The following SERGEF variants were observed in gnomAD, a reference collection of about 807,000 sequenced individuals.
SERGEF encodes the protein secretion-regulating guanine nucleotide exchange factor.
A neutral mutation model predicts 50.0 loss-of-function variants in SERGEF; 51 were observed. That is an observed-to-expected ratio of 1.02 (90% CI 0.81 to 1.29). The LOEUF (loss-of-function observed/expected upper bound fraction) is 1.29, where lower values mean the gene tolerates loss of function less well. Among genes scored for constraint, SERGEF ranks in the 50% most tolerant of loss-of-function variants. SERGEF has a pLI of 0.00. For synonymous variants in SERGEF, 205 were observed against 212.4 expected, an observed-to-expected ratio of 0.97 and a Z score of 0.30; for missense variants, 521 against 557.0, an observed-to-expected ratio of 0.94 and a Z score of 0.65.
chr11:17,902,923 A>G (rs1204528569), intron 9 of SERGEF, among the ~76,000 whole-genome samples: 1 of 152,208 alleles, frequency 6.6e-6, no homozygotes, highest in Non-Finnish European at 1.5e-5. Flanking sequence ...CTAACAAGGC[A>G]TGTTATTACA....
At chr11:17,825,494 T>C (rs1425701044) in intron 10 of SERGEF, among the ~76,000 whole-genome samples, 1 of 152,214 alleles carries the variant, frequency 6.6e-6, no homozygotes, top group Non-Finnish European at 1.5e-5. Flanking sequence ...GTAAGCATTT[T>C]CTTTTCTGAA....
At chr11:17,938,118 C>T (rs570926498) in intron 9 of SERGEF, among the ~76,000 whole-genome samples, 3 of 152,286 alleles carry the variant, frequency 2.0e-5, no homozygotes, top group African/African-American at 7.2e-5. Context: ...AGGACCTCTG[C>T]TACTGGTTCT....
intron 8 of SERGEF, among the ~76,000 whole-genome samples, chr11:17,962,374 T>C (rs1853022541): frequency 6.6e-6 from 1 of 152,020 alleles, no homozygotes; most frequent in African/African-American, 2.4e-5. Context: ...ATATAAAAAA[T>C]GCTCATTAAT....
intron 9 of SERGEF, among the ~76,000 whole-genome samples, chr11:17,933,472 T>C (rs1590205480): frequency 6.6e-6 from 1 of 152,292 alleles, no homozygotes; most frequent in Non-Finnish European, 1.5e-5. Context: ...AGACCTGGCT[T>C]CTAACATGCT....
At chr11:17,900,884 T>A (rs535389482) in intron 9 of SERGEF, among the ~76,000 whole-genome samples, 2 of 152,274 alleles carry the variant, frequency 1.3e-5, no homozygotes, top group East Asian at 3.9e-4. Context: ...GCCAAAAGTT[T>A]GCTTAATAAA....
chr11:17,911,500 T>TA (rs1479035395), intron 9 of SERGEF, among the ~76,000 whole-genome samples: 3 of 151,612 alleles, frequency 2.0e-5, no homozygotes, highest in Admixed American at 6.6e-5. Context: ...CTTTGTCACC[T>TA]AGGTTTTTTT....
At chr11:17,918,301 A>G (rs1386002019) in intron 9 of SERGEF, among the ~76,000 whole-genome samples, 1 of 152,244 alleles carries the variant, frequency 6.6e-6, no homozygotes, top group Non-Finnish European at 1.5e-5. Flanking sequence ...AACTAGTGAG[A>G]GAACTACTTG....
chr11:17,998,432 CATACATACATAT>C (rs1251653290), intron 5 of SERGEF, among the ~76,000 whole-genome samples: 35 of 55,862 alleles, frequency 6.3e-4, no homozygotes, highest in African/African-American at 1.1e-3. Flanking sequence ...TACATACATA[CATACATACATAT>C]ATATATATAT....
intron 9 of SERGEF, 73 bp from the exon 10 acceptor site, chr11:17,878,317 T>C (rs962772626): frequency 7.6e-5 from 93 of 1,226,178 alleles, no homozygotes; most frequent in Non-Finnish European, 9.2e-6. Flanking sequence ...ATAGTTCTTT[T>C]CTAATGACAC....
At position 17,866,933 on chromosome 11, in the gene SERGEF, T is replaced by C. The variant is rs771659286; in HGVS notation, c.1048+11275A>G. The stretch of plus-strand genomic sequence containing the variant: ...TAAAACCATCAGATCTCGTGAGACT[T>C]ATTCACTATCACAAGAGCAGCACAG... On this transcript the variant is annotated intron_variant, in intron 10 of 10. Transcript: ENST00000265965. 11 of 152,172 alleles carry C rather than the reference T, an allele frequency of 7.2e-5. No homozygotes were observed. In the South Asian group the frequency reaches 1.5e-3, roughly 20 times the overall value. The allele number at this position is 152,172 out of a possible 1,614,324, so 9.4% of individuals were successfully genotyped here.
intron 9 of SERGEF, among the ~76,000 whole-genome samples, chr11:17,907,172 A>AG (rs1340226431): frequency 1.3e-5 from 2 of 151,416 alleles, no homozygotes; most frequent in African/African-American, 4.9e-5. Context: ...CCAAAAAAAA[A>AG]AAAAAAAAAA....
intron 9 of SERGEF, among the ~76,000 whole-genome samples, chr11:17,896,668 CGGGAAGGGAAG>C (rs1287457739): frequency 1.3e-4 from 1 of 7,678 alleles, no homozygotes; most frequent in Non-Finnish European, 2.5e-4. Flanking sequence ...GGAAGGGTAA[CGGGAAGGGAAG>C]GGGAAGGGAA....
intron 10 of SERGEF, among the ~76,000 whole-genome samples, chr11:17,807,317 C>T (rs1193462980): frequency 9.1e-6 from 1 of 109,710 alleles, no homozygotes; most frequent in Non-Finnish European, 2.0e-5. Context: ...GTGGAATCTT[C>T]CTCAAAGAAC....
At chr11:17,959,144 C>T (rs1382338371) in intron 9 of SERGEF, among the ~76,000 whole-genome samples, 1 of 152,210 alleles carries the variant, frequency 6.6e-6, no homozygotes, top group Admixed American at 6.5e-5. Flanking sequence ...GCTGGGATTA[C>T]AGGCGTGAGC....
At chr11:17,911,066 G>A (rs533293911) in intron 9 of SERGEF, among the ~76,000 whole-genome samples, 12 of 152,120 alleles carry the variant, frequency 7.9e-5, no homozygotes, top group Non-Finnish European at 1.3e-4. Flanking sequence ...GCCAGACATG[G>A]GGCACATGAG....
In SERGEF at chr11:17,929,534, T is replaced by C. The variant is rs552167920; in HGVS notation, c.1011+29936A>G. Among the ~76,000 whole-genome samples the C allele has an allele frequency of 3.3e-5, 5 of 152,348 alleles. No homozygotes were observed. The East Asian group carries it at 9.6e-4, about 29-fold the overall frequency. On this transcript the variant is annotated intron_variant, in intron 9 of 10. Coordinates refer to ENST00000265965, the MANE Select transcript of SERGEF (RefSeq NM_012139.4). ...CATCCCAAGGTAACTTATTATGTTT[T>C]TATATAACAAGCAAAATGAGCTTTC...
At chr11:17,808,678 C>G (rs755100388) in intron 10 of SERGEF, among the ~76,000 whole-genome samples, 2 of 152,182 alleles carry the variant, frequency 1.3e-5, no homozygotes, top group East Asian at 3.9e-4. Context: ...CACAAATGGG[C>G]CCTCCAGGAT....
intron 9 of SERGEF, among the ~76,000 whole-genome samples, chr11:17,926,038 A>G (rs761614754): frequency 1.3e-5 from 2 of 152,188 alleles, no homozygotes; most frequent in African/African-American, 4.8e-5. Flanking sequence ...CTGAGAGCCT[A>G]CTAGGTATTA....
At chr11:17,869,056 T>A (rs1851085235) in intron 10 of SERGEF, among the ~76,000 whole-genome samples, 1 of 152,270 alleles carries the variant, frequency 6.6e-6, no homozygotes. Context: ...CCCAAAGTGC[T>A]GGGATTACAG....
Sources: gnomAD v4.1 joint callset for allele counts (sites outside exome capture counted in the v4.1 genomes callset) on GRCh38, gnomAD v4.1.1 for gene constraint, MANE v1.5 for transcripts, NCBI Gene and HGNC (gene_info 2026-07-23, HGNC 2026-07-21) for gene names.